DLG2: variants seen among roughly 807,000 people sequenced by gnomAD.
DLG2 encodes the protein disks large homolog 2.
In DLG2, 45 loss-of-function variants were observed where a neutral mutation model predicts 132.5. The observed-to-expected ratio is 0.34, with a 90% confidence interval of 0.27 to 0.44. DLG2 has a LOEUF of 0.44. Among genes scored for constraint, DLG2 ranks in the 20% least tolerant of loss-of-function variants. DLG2 has a pLI of 1.00. For missense variants in DLG2, 1,045 were observed against 1,196.9 expected, an observed-to-expected ratio of 0.87 and a Z score of 1.87; for synonymous variants, 424 against 419.6, an observed-to-expected ratio of 1.01 and a Z score of -0.13.
intron 14 of DLG2, among the ~76,000 whole-genome samples, chr11:83,935,168 T>G (rs548346151): frequency 6.6e-6 from 1 of 152,294 alleles, no homozygotes; most frequent in Non-Finnish European, 1.5e-5. Context: ...AGCTGGGACG[T>G]CAAGGGCTCA....
intron 17 of DLG2, among the ~76,000 whole-genome samples, chr11:83,808,809 C>T (rs564602610): frequency 1.3e-5 from 2 of 152,220 alleles, no homozygotes; most frequent in African/African-American, 4.8e-5. Flanking sequence ...GGTGTGGTCC[C>T]TTGATTCTCA....
intron 6 of DLG2, among the ~76,000 whole-genome samples, chr11:84,894,368 C>T (rs2089895006): frequency 6.6e-6 from 1 of 152,138 alleles, no homozygotes; most frequent in Admixed American, 6.5e-5. Flanking sequence ...TCTGCTCACT[C>T]TTCTTTACCA....
chr11:85,384,261 A>C (rs2086140345), intron 3 of DLG2, among the ~76,000 whole-genome samples: 1 of 152,194 alleles, frequency 6.6e-6, no homozygotes, highest in African/African-American at 2.4e-5. Flanking sequence ...TTACTTATTC[A>C]AGGTCCAATA....
chr11:85,581,711 CA>C lies in DLG2; in HGVS notation c.40+16945del, dbSNP rs1375848037. Among the ~76,000 whole-genome samples the C allele has an allele frequency of 3.9e-5, 6 of 152,134 alleles. No individual in the cohort carries two copies. The East Asian group carries it at 5.8e-4, about 15-fold the overall frequency. On this transcript the variant is annotated intron_variant, in intron 3 of 27. Transcript: ENST00000376104. ...TGACTGATATTCTAACCAGGTGGAA[CA>C]TTTGACAGATAAGAGGAGAGACCAT...
At chr11:85,330,791 T>A (rs866039324) in intron 3 of DLG2, among the ~76,000 whole-genome samples, 1,431 of 69,018 alleles carry the variant, frequency 0.021, 7 homozygotes, top group Middle Eastern at 0.031. Flanking sequence ...AAAAAAAAAA[T>A]TAAAAAAAAA....
intron 18 of DLG2, among the ~76,000 whole-genome samples, chr11:83,715,317 AT>A (rs2153670916): frequency 6.6e-6 from 1 of 152,332 alleles, no homozygotes; most frequent in African/African-American, 2.4e-5. Flanking sequence ...ACTGTGAATA[AT>A]TTAATTTGAT....
At chr11:83,734,377 T>C (rs935370319) in intron 18 of DLG2, among the ~76,000 whole-genome samples, 2 of 144,980 alleles carry the variant, frequency 1.4e-5, no homozygotes, top group Admixed American at 6.8e-5. Flanking sequence ...CCTTCCTTCC[T>C]TCCTTCCTTC....
intron 6 of DLG2, among the ~76,000 whole-genome samples, chr11:84,778,145 T>C: frequency 6.6e-6 from 1 of 152,106 alleles, no homozygotes; most frequent in East Asian, 1.9e-4. Context: ...GCCAGAGATA[T>C]GGATCCAATT....
intron 7 of DLG2, among the ~76,000 whole-genome samples, chr11:84,301,892 T>C (rs916579698): frequency 2.0e-5 from 3 of 152,096 alleles, no homozygotes; most frequent in African/African-American, 7.2e-5. Flanking sequence ...TAAAGATACA[T>C]GTACACATAT....
chr11:85,500,823 C>T (rs952960127), intron 3 of DLG2, among the ~76,000 whole-genome samples: 6 of 152,170 alleles, frequency 3.9e-5, no homozygotes, highest in Admixed American at 2.6e-4. Flanking sequence ...GAATCAATAT[C>T]GTGCAAATGG....
intron 7 of DLG2, among the ~76,000 whole-genome samples, chr11:84,507,393 ATT>A (rs1362376039): frequency 6.6e-6 from 1 of 152,194 alleles, no homozygotes; most frequent in Non-Finnish European, 1.5e-5. Flanking sequence ...AAGTGATGAG[ATT>A]TACTGAGATT....
intron 4 of DLG2, among the ~76,000 whole-genome samples, chr11:85,238,202 T>G (rs1565199581): frequency 7.3e-6 from 1 of 137,312 alleles, no homozygotes; most frequent in South Asian, 2.3e-4. Context: ...TTTTTTATTT[T>G]TATTTTATTT....
intron 6 of DLG2, among the ~76,000 whole-genome samples, chr11:85,049,568 G>A (rs920044172): frequency 2.0e-5 from 3 of 151,974 alleles, no homozygotes; most frequent in Admixed American, 6.6e-5. Flanking sequence ...ATCTGCACTA[G>A]GTTCTCAATA....
chr11:84,149,655 TC>T (rs1414518104), intron 9 of DLG2, among the ~76,000 whole-genome samples: 4 of 152,192 alleles, frequency 2.6e-5, no homozygotes, highest in Non-Finnish European at 5.9e-5. Flanking sequence ...ATGTGATGCC[TC>T]CAGTTGTGTT....
chr11:83,989,355 A>G (rs1005119455), intron 11 of DLG2, among the ~76,000 whole-genome samples: 2 of 152,178 alleles, frequency 1.3e-5, no homozygotes, highest in African/African-American at 4.8e-5. Flanking sequence ...TTTGTAATAA[A>G]GGAGTAAGTA....
At chr11:83,669,128 C>G (rs1382216218) in intron 18 of DLG2, among the ~76,000 whole-genome samples, 1 of 152,004 alleles carries the variant, frequency 6.6e-6, no homozygotes, top group Non-Finnish European at 1.5e-5. Flanking sequence ...CTACTGTGTG[C>G]CAGGCAGAGT....
At chr11:85,049,464 AACATTATTG>A (rs2062682470) in intron 6 of DLG2, among the ~76,000 whole-genome samples, 1 of 152,038 alleles carries the variant, frequency 6.6e-6, no homozygotes, top group African/African-American at 2.4e-5. Context: ...CCTCAATCTG[AACATTATTG>A]ACATTTTATT....
At chr11:84,574,323 G>T (rs943873157) in intron 6 of DLG2, among the ~76,000 whole-genome samples, 1 of 151,224 alleles carries the variant, frequency 6.6e-6, no homozygotes, top group Non-Finnish European at 1.5e-5. Flanking sequence ...ATGTTACAGG[G>T]CACGTATTAT....
At chr11:84,534,837 T>C (rs2099351516) in intron 6 of DLG2, 106 bp from the exon 7 acceptor site, 2 of 1,301,954 alleles carry the variant, frequency 1.5e-6, no homozygotes, top group Non-Finnish European at 2.2e-6. Context: ...AGTGTGCACC[T>C]ACTGTTGACT....
Sources: allele counts gnomAD v4.1 joint callset (sites outside exome capture counted in the v4.1 genomes callset), GRCh38; gene constraint gnomAD v4.1.1; transcripts MANE v1.5; gene names NCBI Gene and HGNC (gene_info 2026-07-23, HGNC 2026-07-21).